The following SGK1 variants were observed in gnomAD, a reference collection of about 807,000 sequenced individuals.
The protein encoded by SGK1 is serine/threonine-protein kinase Sgk1.
SGK1 carries 26 observed loss-of-function variants against 64.2 expected under a neutral mutation model. The ratio of observed to expected loss-of-function variants is 0.40; its 90% confidence interval spans 0.30 to 0.56. The LOEUF (loss-of-function observed/expected upper bound fraction) is 0.56, where lower values mean the gene tolerates loss of function less well. Among genes scored for constraint, SGK1 ranks in the 20% least tolerant of loss-of-function variants. SGK1 has a pLI of 0.38. For synonymous variants in SGK1, 265 were observed against 239.7 expected (o/e 1.11, Z -0.98); for missense variants, 519 against 645.6 (o/e 0.80, Z 2.12).
At chr6:134,186,989 G>A (rs1463413975) in intron 3 of SGK1, among the ~76,000 whole-genome samples, 1 of 151,918 alleles carries the variant, frequency 6.6e-6, no homozygotes, top group African/African-American at 2.4e-5. Context: ...GCTAATTTTT[G>A]TATTTTAGTA....
chr6:134,288,549 T>C (rs1298179299), intron 1 of SGK1, among the ~76,000 whole-genome samples: 1 of 152,178 alleles, frequency 6.6e-6, no homozygotes, highest in African/African-American at 2.4e-5. Context: ...GAGAAATACA[T>C]TGGTTCATCC....
chr6:134,276,271 A>C (rs146854797), intron 1 of SGK1, among the ~76,000 whole-genome samples: 22 of 152,376 alleles, frequency 1.4e-4, no homozygotes, highest in African/African-American at 5.3e-4. Context: ...TTAGGAACTC[A>C]GAGCCTTGCA....
chr6:134,215,521 G>A (rs1775964905), intron 2 of SGK1, among the ~76,000 whole-genome samples: 1 of 152,092 alleles, frequency 6.6e-6, no homozygotes. Context: ...GGAATTGGTA[G>A]GGAAAAAAAG....
Position 134,183,617 on chromosome 6 carries a change from A to G in SGK1, c.362-9031T>C, listed in dbSNP as rs566480802. On this transcript the variant is annotated intron_variant, in intron 3 of 13. Coordinates refer to ENST00000367858, the MANE Select transcript of SGK1 (RefSeq NM_001143676.3). ...TTTTCCTCAGGCCCCGCTATGCCTT[A>G]ATGTCATTAAAGTACAGCCTTGGGC... 5.3e-5 allele frequency among the ~76,000 whole-genome samples: 8 copies of G among 152,300 alleles called. No individual in the cohort carries two copies. The East Asian group carries it at 1.2e-3, about 22-fold the overall frequency.
chr6:134,239,892 T>C (rs1173387227), intron 2 of SGK1, among the ~76,000 whole-genome samples: 1 of 151,984 alleles, frequency 6.6e-6, no homozygotes, highest in East Asian at 1.9e-4. Context: ...CAGCAGACCA[T>C]GATGGTGAGG....
At chr6:134,206,912 G>A (rs533795558) in intron 3 of SGK1, among the ~76,000 whole-genome samples, 12 of 144,220 alleles carry the variant, frequency 8.3e-5, no homozygotes, top group Non-Finnish European at 6.0e-5. Context: ...CAGTGTATTC[G>A]AGTGTTGGGT....
chr6:134,173,302 T>C lies in SGK1; in HGVS notation c.674A>G (p.Gln225Arg). The C allele has an allele frequency of 6.2e-7, 1 of 1,613,904 alleles. No homozygotes were observed. The highest frequency in any genetic ancestry group is 1.1e-5 in the South Asian group (1 of 91,080). The change falls in exon 7 of 14, where the codon CAG (glutamine) becomes CGG (arginine). Residue 225 changes from glutamine (Q) to arginine (R), a missense_variant. Physicochemically the swap from Gln to Arg is conservative, Grantham distance 43. Transcript: ENST00000367858. Reference sequence around the variant, plus strand: ...TTTCTTTTTCAGGATTGCTTTCTTCTGTAAAACTTTGACTGCATAGAACAC... The same window carrying C: ...TTTCTTTTTCAGGATTGCTTTCTTCCGTAAAACTTTGACTGCATAGAACAC... ...EEVFYAVKVL[Q>R]KKAILKKKEE...
chr6:134,297,761 AAAGT>A, intron 1 of SGK1: 1 of 499,392 alleles, frequency 2.0e-6, no homozygotes, highest in Non-Finnish European at 3.7e-6. Flanking sequence ...TCGGCCTCCC[AAAGT>A]GCTGGGATTA....
At chr6:134,173,801 C>T in intron 5 of SGK1, 1 of 580,722 alleles carries the variant, frequency 1.7e-6, no homozygotes, top group South Asian at 2.4e-5. Context: ...AAAATAACCA[C>T]TTTGGAGGTA....
chr6:134,223,763 G>A (rs980731980), intron 2 of SGK1, among the ~76,000 whole-genome samples: 2 of 152,216 alleles, frequency 1.3e-5, no homozygotes, highest in African/African-American at 2.4e-5. Context: ...AGACTGCTAC[G>A]TGTAATTGTT....
intron 3 of SGK1, among the ~76,000 whole-genome samples, chr6:134,198,726 ATTTTTTTTT>A (rs1178699258): frequency 9.8e-6 from 1 of 101,780 alleles, no homozygotes; most frequent in East Asian, 2.9e-4. Flanking sequence ...CTCTTTTTCT[ATTTTTTTTT>A]TTTTTTTTTT....
At chr6:134,303,501 G>A (rs1392986349) in intron 1 of SGK1, among the ~76,000 whole-genome samples, 1 of 151,972 alleles carries the variant, frequency 6.6e-6, no homozygotes, top group East Asian at 1.9e-4. Context: ...CTGTTTGTCT[G>A]ATCTCGTATT....
chr6:134,225,351 G>GAAA (rs780987311), intron 2 of SGK1, among the ~76,000 whole-genome samples: 4 of 97,862 alleles, frequency 4.1e-5, no homozygotes, highest in Admixed American at 2.5e-4. Flanking sequence ...ACTCCATCTC[G>GAAA]GAAAAAAAAA....
At chr6:134,182,354 C>T (rs1775344159) in intron 3 of SGK1, among the ~76,000 whole-genome samples, 1 of 151,794 alleles carries the variant, frequency 6.6e-6, no homozygotes, top group Admixed American at 6.6e-5. Context: ...TCGAAACCAG[C>T]AGGCCAACAT....
At chr6:134,241,053 T>C (rs1014663496) in intron 2 of SGK1, among the ~76,000 whole-genome samples, 1 of 28,028 alleles carries the variant, frequency 3.6e-5, no homozygotes, top group African/African-American at 5.4e-5. Flanking sequence ...TTTTTCTTTT[T>C]TTTTTTTTTT....
chr6:134,229,150 T>C (rs1225927459), intron 2 of SGK1, among the ~76,000 whole-genome samples: 3 of 152,234 alleles, frequency 2.0e-5, no homozygotes, highest in Non-Finnish European at 2.9e-5. Flanking sequence ...TAGTTGTTCT[T>C]GCTACAAATT....
chr6:134,193,721 C>T (rs1245736923), intron 3 of SGK1, among the ~76,000 whole-genome samples: 1 of 142,032 alleles, frequency 7.0e-6, no homozygotes, highest in Non-Finnish European at 1.5e-5. Context: ...ACTCTGGGTA[C>T]AGTGCCTAAG....
intron 3 of SGK1, among the ~76,000 whole-genome samples, chr6:134,180,863 T>G (rs1775320281): frequency 8.0e-6 from 1 of 124,796 alleles, no homozygotes; most frequent in Non-Finnish European, 1.7e-5. Flanking sequence ...CAAAGTGAGA[T>G]CCTATCTCAA....
At chr6:134,272,322 T>G (rs1455527494) in intron 1 of SGK1, among the ~76,000 whole-genome samples, 2 of 141,168 alleles carry the variant, frequency 1.4e-5, no homozygotes, top group African/African-American at 2.5e-5. Flanking sequence ...TTTTTTTTTT[T>G]TTTGTATTTT....
Sources: gnomAD v4.1 joint callset for allele counts (sites outside exome capture counted in the v4.1 genomes callset) on GRCh38, gnomAD v4.1.1 for gene constraint, MANE v1.5 for transcripts, NCBI Gene and HGNC (gene_info 2026-07-23, HGNC 2026-07-21) for gene names.